PPP1R12B: variants seen among roughly 807,000 people sequenced by gnomAD.
The protein encoded by PPP1R12B is myosin phosphatase target subunit 2.
Under a neutral mutation model 126.1 loss-of-function variants are expected in PPP1R12B, and 76 were observed. The ratio of observed to expected loss-of-function variants is 0.60; its 90% CI spans 0.50 to 0.73. PPP1R12B has a LOEUF of 0.73. Among genes scored for constraint, PPP1R12B ranks in the 30% least tolerant of loss-of-function variants. The pLI is 0.00. For synonymous variants in PPP1R12B, 356 were observed against 434.7 expected, an observed-to-expected ratio of 0.82 and a Z score of 2.25; for missense variants, 1,052 against 1,205.1, an observed-to-expected ratio of 0.87 and a Z score of 1.88.
At chr1:202,543,733 G>A (rs998050751) in intron 18 of PPP1R12B, among the ~76,000 whole-genome samples, 18 of 152,242 alleles carry the variant, frequency 1.2e-4, no homozygotes, top group East Asian at 5.8e-4. Context: ...GCGAAACTCC[G>A]TCTATAAATA....
chr1:202,362,772 C>A (rs564679220), intron 1 of PPP1R12B, among the ~76,000 whole-genome samples: 1 of 151,368 alleles, frequency 6.6e-6, no homozygotes, highest in African/African-American at 2.4e-5. Flanking sequence ...TTCTTAATAT[C>A]AAGATAAATG....
At chr1:202,430,905 T>C (rs1670109509) in intron 7 of PPP1R12B, 95 bp downstream of exon 7, 3 of 1,491,548 alleles carry the variant, frequency 2.0e-6, no homozygotes, top group Non-Finnish European at 2.7e-6. Context: ...ACTCTGTGTT[T>C]GTATTTAGCC....
At position 202,588,547 on chromosome 1, in the gene PPP1R12B, A is replaced by G. The variant is rs996699191; in HGVS notation, c.*7987A>G. 2.0e-5 allele frequency: 3 copies of G among 152,596 alleles called. No individual in the cohort carries two copies. Among genetic ancestry groups the G allele is most frequent in the African/African-American group, 7.2e-5 (3 of 41,424 alleles). 9.5% of individuals were successfully genotyped at this position (152,596 alleles called of 1,614,324 possible). ...ACACAACAGTATTTATAAATGAGTAAATAAAACTGTGTTTTAACTTTGTGA... is the reference window on the plus strand; with the variant it reads ...ACACAACAGTATTTATAAATGAGTAGATAAAACTGTGTTTTAACTTTGTGA... On this transcript the variant is annotated 3_prime_UTR_variant, in exon 24 of 24. Coordinates refer to ENST00000608999, the MANE Select transcript of PPP1R12B (RefSeq NM_002481.4).
At chr1:202,373,045 A>G (rs1208892107) in intron 1 of PPP1R12B, among the ~76,000 whole-genome samples, 4 of 151,660 alleles carry the variant, frequency 2.6e-5, no homozygotes, top group African/African-American at 9.7e-5. Context: ...AGTGATTCTC[A>G]TGCCTCAGCC....
rs1689600632 is a variant in PPP1R12B at position 202,582,501 on chromosome 1, G to A, written c.*1941G>A. 6.6e-6 allele frequency: 1 copy of A among 152,532 alleles called. No individual in the cohort carries two copies. The highest frequency in any genetic ancestry group is 6.6e-5 in the Admixed American group (1 of 15,266). The allele number at this position is 152,532 out of a possible 1,614,324, so 9.4% of individuals were successfully genotyped here. A position where few individuals can be genotyped will look rare whatever the true frequency, so the allele number is the denominator to read the frequency against. On this transcript the variant is annotated 3_prime_UTR_variant, in exon 24 of 24. Transcript: ENST00000608999. The stretch of plus-strand genomic sequence containing the variant: ...CATTCCCTTAATATATACTACCTCT[G>A]TCTGTTAATTCTTTCCTAACATGAC...
intron 18 of PPP1R12B, among the ~76,000 whole-genome samples, chr1:202,541,126 C>T (rs530670170): frequency 2.6e-5 from 4 of 151,994 alleles, no homozygotes; most frequent in African/African-American, 7.3e-5. Flanking sequence ...AACTAGATTG[C>T]GCTTTGCTGT....
At chr1:202,383,292 A>G (rs541298764) in intron 1 of PPP1R12B, among the ~76,000 whole-genome samples, 1 of 152,396 alleles carries the variant, frequency 6.6e-6, no homozygotes, top group East Asian at 1.9e-4. Context: ...ATAGACCATT[A>G]GCAATACAGT....
chr1:202,418,795 A>G (rs1558199988), intron 2 of PPP1R12B, among the ~76,000 whole-genome samples: 1 of 151,294 alleles, frequency 6.6e-6, no homozygotes, highest in Non-Finnish European at 1.5e-5. Flanking sequence ...AGTATGTAGC[A>G]TTTTTTTTAA....
At chr1:202,369,065 A>G (rs1659777181) in intron 1 of PPP1R12B, among the ~76,000 whole-genome samples, 1 of 152,254 alleles carries the variant, frequency 6.6e-6, no homozygotes, top group African/African-American at 2.4e-5. Context: ...TGACATAGTT[A>G]AGACCAGAAA....
At chr1:202,479,327 A>G (rs1677055402) in intron 13 of PPP1R12B, among the ~76,000 whole-genome samples, 1 of 152,182 alleles carries the variant, frequency 6.6e-6, no homozygotes, top group Admixed American at 6.5e-5. Flanking sequence ...ACTAGAAAAA[A>G]CTGGATAAAT....
At chr1:202,432,145 G>A (rs1305815006) in intron 8 of PPP1R12B, among the ~76,000 whole-genome samples, 9 of 152,050 alleles carry the variant, frequency 5.9e-5, no homozygotes. Context: ...TCTCAGGTTT[G>A]TCTGATTTCC....
intron 1 of PPP1R12B, among the ~76,000 whole-genome samples, chr1:202,378,695 G>T (rs1351590573): frequency 2.6e-5 from 4 of 151,944 alleles, no homozygotes; most frequent in African/African-American, 9.7e-5. Context: ...GGCCAGGCTG[G>T]TCTCCAACTC....
intron 13 of PPP1R12B, among the ~76,000 whole-genome samples, chr1:202,457,974 A>G (rs1224463622): frequency 6.6e-6 from 1 of 152,220 alleles, no homozygotes; most frequent in Non-Finnish European, 1.5e-5. Flanking sequence ...GGCTAAATGA[A>G]TTTGGGAACA....
chr1:202,432,988 A>G (rs1231662727), intron 8 of PPP1R12B, among the ~76,000 whole-genome samples: 1 of 152,202 alleles, frequency 6.6e-6, no homozygotes, highest in Non-Finnish European at 1.5e-5. Context: ...TCTGAGGCTC[A>G]CTGAATGTCA....
intron 1 of PPP1R12B, among the ~76,000 whole-genome samples, chr1:202,398,266 G>A (rs1447552189): frequency 1.3e-5 from 2 of 152,136 alleles, no homozygotes; most frequent in East Asian, 1.9e-4. Flanking sequence ...AAGCAAAAAC[G>A]AAAACCCAAG....
At chr1:202,453,802 C>CT (rs1377036706) in intron 13 of PPP1R12B, among the ~76,000 whole-genome samples, 5 of 147,638 alleles carry the variant, frequency 3.4e-5, no homozygotes, top group Non-Finnish European at 6.0e-5. Flanking sequence ...CCTGTCCTTT[C>CT]TTTTTTCTTT....
chr1:202,397,439 T>A (rs1665149744), intron 1 of PPP1R12B, among the ~76,000 whole-genome samples: 1 of 152,228 alleles, frequency 6.6e-6, no homozygotes, highest in South Asian at 2.1e-4. Context: ...TGTGGTAGGT[T>A]GTCTTTTCAC....
intron 13 of PPP1R12B, among the ~76,000 whole-genome samples, chr1:202,473,158 T>C (rs368779040): frequency 1.2e-4 from 19 of 152,354 alleles, no homozygotes; most frequent in African/African-American, 4.6e-4. Context: ...TCAGCTCTGA[T>C]CTCAGTGTCA....
chr1:202,540,203 C>T, intron 18 of PPP1R12B: 1 of 1,610,398 alleles, frequency 6.2e-7, no homozygotes. Context: ...GTCTGATTCT[C>T]CCCCAGCATC....
Sources: allele counts gnomAD v4.1 joint callset (sites outside exome capture counted in the v4.1 genomes callset), GRCh38; gene constraint gnomAD v4.1.1; transcripts MANE v1.5; gene names NCBI Gene and HGNC (gene_info 2026-07-23, HGNC 2026-07-21).